AUTS2: variants seen among roughly 807,000 people sequenced by gnomAD.
AUTS2 encodes activator of transcription and developmental regulator AUTS2.
A neutral mutation model predicts 112.4 loss-of-function variants in AUTS2; 17 were observed. That is an observed-to-expected ratio of 0.15 (90% CI 0.10 to 0.23). The LOEUF (loss-of-function observed/expected upper bound fraction) is 0.23, where lower values mean the gene tolerates loss of function less well. Ranked by LOEUF, AUTS2 falls within the 10% of genes least tolerant of loss-of-function variation. The pLI is 1.00. For synonymous variants in AUTS2, 751 were observed against 702.7 expected (o/e 1.07, Z -1.09); for missense variants, 1,510 against 1,701.6 (o/e 0.89, Z 1.98).
intron 2 of AUTS2, among the ~76,000 whole-genome samples, chr7:70,046,095 A>G (rs1336224017): frequency 6.6e-6 from 1 of 152,202 alleles, no homozygotes; most frequent in Admixed American, 6.5e-5. Flanking sequence ...ATATAGATGA[A>G]ATTATTGCCT....
intron 1 of AUTS2, among the ~76,000 whole-genome samples, chr7:69,845,031 T>C (rs1792135365): frequency 6.6e-6 from 1 of 152,168 alleles, no homozygotes; most frequent in South Asian, 2.1e-4. Flanking sequence ...GGCAAGAAGA[T>C]GGGAATAGGA....
chr7:70,271,258 A>G (rs80160493), intron 4 of AUTS2, among the ~76,000 whole-genome samples: 1 of 152,204 alleles, frequency 6.6e-6, no homozygotes, highest in African/African-American at 2.4e-5. Flanking sequence ...AGAAAATCTC[A>G]CACTCTTTTC....
At chr7:69,852,109 G>C (rs1296369754) in intron 1 of AUTS2, among the ~76,000 whole-genome samples, 1 of 152,066 alleles carries the variant, frequency 6.6e-6, no homozygotes, top group African/African-American at 2.4e-5. Flanking sequence ...GTTAGTTGTA[G>C]GTTTTTGGGT....
At chr7:70,314,468 G>A (rs949000670) in intron 4 of AUTS2, among the ~76,000 whole-genome samples, 1 of 152,226 alleles carries the variant, frequency 6.6e-6, no homozygotes, top group Non-Finnish European at 1.5e-5. Flanking sequence ...CCAGATTGAT[G>A]TGTGCATAGG....
intron 2 of AUTS2, among the ~76,000 whole-genome samples, chr7:69,998,723 A>G (rs912475076): frequency 1.3e-4 from 20 of 152,236 alleles, no homozygotes; most frequent in Admixed American, 1.2e-3. Context: ...AGAAAAAAGT[A>G]TAAACACATA....
chr7:70,635,753 GCTTAACATGACTA>G (rs1392856223), intron 5 of AUTS2, among the ~76,000 whole-genome samples: 1 of 152,130 alleles, frequency 6.6e-6, no homozygotes, highest in Non-Finnish European at 1.5e-5. Context: ...TCATTTCCCT[GCTTAACATGACTA>G]AGGACTGCAG....
chr7:70,323,576 A>G (rs181487712), intron 4 of AUTS2, among the ~76,000 whole-genome samples: 1 of 152,202 alleles, frequency 6.6e-6, no homozygotes, highest in Non-Finnish European at 1.5e-5. Context: ...TGTTTGACCT[A>G]GATGTGAACT....
chr7:70,278,590 C>CATAT (rs1788051470), intron 4 of AUTS2, among the ~76,000 whole-genome samples: 1 of 73,112 alleles, frequency 1.4e-5, no homozygotes, highest in Non-Finnish European at 2.7e-5. Flanking sequence ...AACATACATA[C>CATAT]ATACATACAT....
chr7:70,556,516 C>T (rs911537214), intron 5 of AUTS2, among the ~76,000 whole-genome samples: 12 of 152,202 alleles, frequency 7.9e-5, no homozygotes, highest in Non-Finnish European at 1.5e-4. Context: ...ATCAAGTCTT[C>T]GAGGCTTTAG....
chr7:69,970,785 T>C (rs529874788), intron 2 of AUTS2, among the ~76,000 whole-genome samples: 59 of 152,298 alleles, frequency 3.9e-4, no homozygotes, highest in Non-Finnish European at 7.5e-4. Context: ...CTTATTCACC[T>C]GCGTCTTCTA....
chr7:70,503,592 C>T (rs1798850817), intron 5 of AUTS2, among the ~76,000 whole-genome samples: 1 of 146,436 alleles, frequency 6.8e-6, no homozygotes, highest in Admixed American at 6.9e-5. Context: ...GATCATAGCT[C>T]GTTGCAGCCT....
chr7:70,551,534 T>C (rs1801015541), intron 5 of AUTS2, among the ~76,000 whole-genome samples: 2 of 152,142 alleles, frequency 1.3e-5, no homozygotes, highest in African/African-American at 4.8e-5. Context: ...TCCTATAGAA[T>C]AGCTCAATAT....
chr7:70,317,648 GA>G (rs1253259774), intron 4 of AUTS2, among the ~76,000 whole-genome samples: 4 of 152,156 alleles, frequency 2.6e-5, no homozygotes, highest in Non-Finnish European at 4.4e-5. Flanking sequence ...TTCCAACCCT[GA>G]CAAGCATGAG....
At chr7:70,721,279 C>CATGTGT (rs373821907) in intron 6 of AUTS2, among the ~76,000 whole-genome samples, 4 of 140,052 alleles carry the variant, frequency 2.9e-5, no homozygotes, top group Non-Finnish European at 6.1e-5. Context: ...GAATTTCATT[C>CATGTGT]GTGTGTGTGT....
intron 5 of AUTS2, among the ~76,000 whole-genome samples, chr7:70,547,494 C>T (rs548303201): frequency 2.0e-5 from 3 of 152,268 alleles, no homozygotes; most frequent in Non-Finnish European, 4.4e-5. Context: ...ACCTCGTGAT[C>T]TGCCTGCCTC....
intron 2 of AUTS2, among the ~76,000 whole-genome samples, chr7:70,016,362 G>T (rs975698521): frequency 6.6e-6 from 1 of 152,090 alleles, no homozygotes; most frequent in Non-Finnish European, 1.5e-5. Context: ...TAGTACCTCA[G>T]TCCCTTTTAA....
At chr7:69,765,298 A>C (rs1788370841) in intron 1 of AUTS2, among the ~76,000 whole-genome samples, 1 of 152,164 alleles carries the variant, frequency 6.6e-6, no homozygotes, top group Admixed American at 6.5e-5. Context: ...GACACATTGG[A>C]CATGGTAGGT....
chr7:70,743,373 G>T (rs1261198819), intron 6 of AUTS2, among the ~76,000 whole-genome samples: 1 of 151,124 alleles, frequency 6.6e-6, no homozygotes, highest in African/African-American at 2.4e-5. Flanking sequence ...GGAGGCTGAG[G>T]CAGGAGAACC....
intron 1 of AUTS2, among the ~76,000 whole-genome samples, chr7:69,888,402 C>T (rs989086649): frequency 4.0e-5 from 6 of 151,160 alleles, no homozygotes; most frequent in African/African-American, 1.5e-4. Context: ...TAACAACCAG[C>T]TCGTGTGGGA....
Sources: allele counts gnomAD v4.1 joint callset (sites outside exome capture counted in the v4.1 genomes callset), GRCh38; gene constraint gnomAD v4.1.1; transcripts MANE v1.5; gene names NCBI Gene and HGNC (gene_info 2026-07-23, HGNC 2026-07-21).